ANKS1B: variants seen among roughly 807,000 people sequenced by gnomAD.
ANKS1B encodes the protein ankyrin repeat and sterile alpha motif domain containing 1B, also known as ankyrin repeat and sterile alpha motif domain-containing protein 1B.
A neutral mutation model predicts 148.3 loss-of-function variants in ANKS1B; 36 were observed. The observed-to-expected ratio is 0.24, with a 90% CI of 0.19 to 0.32. ANKS1B has a LOEUF of 0.32. Among genes scored for constraint, ANKS1B ranks in the 10% least tolerant of loss-of-function variants. The pLI, the probability that ANKS1B is intolerant of heterozygous loss-of-function variation, is 1.00. For synonymous variants in ANKS1B, 542 were observed against 560.8 expected (o/e 0.97, Z 0.47); for missense variants, 1,157 against 1,542.6 (o/e 0.75, Z 4.19).
chr12:99,250,714 A>G (rs553188212), intron 12 of ANKS1B, among the ~76,000 whole-genome samples: 3 of 114,354 alleles, frequency 2.6e-5, no homozygotes, highest in African/African-American at 4.2e-5. Flanking sequence ...CTATATCCCA[A>G]GTTTTAAAGA....
At chr12:99,673,337 A>C (rs2098547190) in intron 8 of ANKS1B, among the ~76,000 whole-genome samples, 1 of 152,118 alleles carries the variant, frequency 6.6e-6, no homozygotes, top group South Asian at 2.1e-4. Flanking sequence ...TGTACTAGCC[A>C]GGATTCTTAG....
At chr12:98,936,247 T>TGC (rs1314122526) in intron 17 of ANKS1B, among the ~76,000 whole-genome samples, 6 of 152,214 alleles carry the variant, frequency 3.9e-5, no homozygotes, top group Non-Finnish European at 8.8e-5. Context: ...ATGGAAAGCA[T>TGC]ATTCTGTGGC....
intron 9 of ANKS1B, among the ~76,000 whole-genome samples, chr12:99,534,140 C>A (rs554489685): frequency 2.0e-5 from 3 of 152,162 alleles, no homozygotes; most frequent in Non-Finnish European, 4.4e-5. Context: ...CAAATAATAT[C>A]ATTGTTTAAA....
At chr12:99,177,950 C>G (rs1023496305) in intron 14 of ANKS1B, among the ~76,000 whole-genome samples, 1 of 152,112 alleles carries the variant, frequency 6.6e-6, no homozygotes, top group East Asian at 1.9e-4. Flanking sequence ...GTTTCATAAT[C>G]AGAATACCAT....
chr12:99,814,083 G>A (rs2153669476), intron 2 of ANKS1B, among the ~76,000 whole-genome samples: 1 of 151,780 alleles, frequency 6.6e-6, no homozygotes, highest in South Asian at 2.1e-4. Flanking sequence ...AACATACTGT[G>A]CAGGCATGTA....
chr12:98,760,168 T>C (rs565857227), intron 25 of ANKS1B, among the ~76,000 whole-genome samples: 1 of 152,352 alleles, frequency 6.6e-6, no homozygotes, highest in East Asian at 1.9e-4. Context: ...TGGAACTTTA[T>C]TTAAATGAGG....
intron 9 of ANKS1B, among the ~76,000 whole-genome samples, chr12:99,537,214 A>G (rs1467006249): frequency 6.6e-6 from 1 of 152,206 alleles, no homozygotes; most frequent in Admixed American, 6.5e-5. Flanking sequence ...ACAGTGCTAC[A>G]ATAAACATAG....
intron 1 of ANKS1B, among the ~76,000 whole-genome samples, chr12:99,983,656 G>T (rs2095741198): frequency 6.6e-6 from 1 of 152,182 alleles, no homozygotes. Context: ...AACGCCTTCT[G>T]CAAGAGAAGG....
At chr12:99,407,231 A>T (rs1243882514) in intron 11 of ANKS1B, among the ~76,000 whole-genome samples, 1 of 146,304 alleles carries the variant, frequency 6.8e-6, no homozygotes, top group Admixed American at 6.8e-5. Flanking sequence ...AACTTATGTA[A>T]ATCAATCAGA....
rs143768957 is a variant in ANKS1B, at chr12:99,736,383, C to G, written c.1128+36539G>C. ...CCACCACAAAAAAAAACTCTTCAAA[C>G]TGATAAATTCAGTAAAGTTGCAGGA... On this transcript the variant is annotated intron_variant, in intron 8 of 26. Transcript: ENST00000683438. Among the ~76,000 whole-genome samples, 9 of 151,720 alleles carry G rather than the reference C, an allele frequency of 5.9e-5. 1 individual carries two copies. The South Asian group carries it at 1.7e-3, about 28-fold the overall frequency.
At chr12:99,748,401 A>ATTT (rs2060801360) in intron 8 of ANKS1B, among the ~76,000 whole-genome samples, 2 of 149,734 alleles carry the variant, frequency 1.3e-5, no homozygotes, top group African/African-American at 2.5e-5. Context: ...TTGGCTTGAG[A>ATTT]ACTATCTGAA....
chr12:99,971,418 C>T (rs997694315), intron 1 of ANKS1B, among the ~76,000 whole-genome samples: 5 of 152,112 alleles, frequency 3.3e-5, no homozygotes, highest in African/African-American at 4.8e-5. Context: ...CTGCCATCTC[C>T]GCACTAGCAG....
chr12:99,167,990 G>C (rs1287898021), intron 14 of ANKS1B, among the ~76,000 whole-genome samples: 3 of 152,162 alleles, frequency 2.0e-5, no homozygotes, highest in African/African-American at 7.2e-5. Flanking sequence ...AAGTTCTAGA[G>C]AGTATAAACT....
chr12:99,002,230 A>G (rs1336425272), intron 17 of ANKS1B, among the ~76,000 whole-genome samples: 1 of 152,174 alleles, frequency 6.6e-6, no homozygotes, highest in Non-Finnish European at 1.5e-5. Context: ...CTGCCATACT[A>G]TTTTCCATAG....
intron 11 of ANKS1B, among the ~76,000 whole-genome samples, chr12:99,415,490 T>C (rs11109832): frequency 0.41 from 62,858 of 152,044 alleles, 13,506 homozygotes; most frequent in African/African-American, 0.52. Context: ...CACACTGCTT[T>C]TTAAATAGCT....
Position 99,667,060 on chromosome 12 carries a change from T to C in ANKS1B, c.1129-11850A>G, listed in dbSNP as rs765331212. ...TTTGTACCAAATTTTAAAATTGAATTTTCAGCTGAGTGCAGTGGTTCATGC... is the reference window on the plus strand; with the variant it reads ...TTTGTACCAAATTTTAAAATTGAATCTTCAGCTGAGTGCAGTGGTTCATGC... On this transcript the variant is annotated intron_variant, in intron 8 of 26. Transcript: ENST00000683438. Among the ~76,000 whole-genome samples, 16 of 152,216 alleles carry C rather than the reference T, an allele frequency of 1.1e-4. 1 individual carries two copies. In the South Asian group the frequency reaches 1.5e-3, roughly 14 times the overall value.
At position 98,876,528 on chromosome 12, in the gene ANKS1B, G is replaced by A. The variant is rs147015701; in HGVS notation, c.2779-44392C>T. Reference sequence around the variant, plus strand: ...CTGTCCCACGTTATGGGCCTTACACGTCTTTGTATTCTGGGATTCTAGCAC... The same window carrying A: ...CTGTCCCACGTTATGGGCCTTACACATCTTTGTATTCTGGGATTCTAGCAC... On this transcript the variant is annotated intron_variant, in intron 17 of 26. Coordinates refer to ENST00000683438, the MANE Select transcript of ANKS1B (RefSeq NM_001352186.2). Among the ~76,000 whole-genome samples the A allele has an allele frequency of 2.6e-4, 39 of 152,302 alleles. 1 individual carries two copies. The highest frequency in any genetic ancestry group is 8.7e-4 in the African/African-American group (36 of 41,544).
At chr12:99,590,543 A>G (rs2097692871) in intron 9 of ANKS1B, among the ~76,000 whole-genome samples, 1 of 152,202 alleles carries the variant, frequency 6.6e-6, no homozygotes, top group Admixed American at 6.5e-5. Context: ...TCATGAATGT[A>G]GAGGAGGCCC....
At chr12:99,562,505 A>G (rs1241138222) in intron 9 of ANKS1B, among the ~76,000 whole-genome samples, 1 of 152,228 alleles carries the variant, frequency 6.6e-6, no homozygotes, top group Non-Finnish European at 1.5e-5. Context: ...ATCTGCTCTC[A>G]TGCTGCTACA....
Sources: gnomAD v4.1 joint callset for allele counts (sites outside exome capture counted in the v4.1 genomes callset) on GRCh38, gnomAD v4.1.1 for gene constraint, MANE v1.5 for transcripts, NCBI Gene and HGNC (gene_info 2026-07-23, HGNC 2026-07-21) for gene names.